The following SGCZ variants were observed in gnomAD, a reference collection of about 807,000 sequenced individuals.
SGCZ encodes the protein zeta-sarcoglycan.
In SGCZ, 40 loss-of-function variants were observed where a neutral mutation model predicts 41.3. The observed-to-expected ratio is 0.97, with a 90% confidence interval of 0.75 to 1.26. The LOEUF is 1.26. SGCZ is among the 50% of genes most tolerant of loss of function. The pLI is 0.00. For missense variants in SGCZ, 552 were observed against 369.8 expected (o/e 1.49, Z -4.04); for synonymous variants, 206 against 137.5 (o/e 1.50, Z -3.49).
intron 4 of SGCZ, among the ~76,000 whole-genome samples, chr8:14,192,113 A>G (rs555413174): frequency 2.0e-5 from 3 of 152,198 alleles, no homozygotes; most frequent in South Asian, 2.1e-4. Flanking sequence ...ATAAAGTGGT[A>G]CTTCCTAAAA....
chr8:14,492,723 G>C (rs1801876494), intron 2 of SGCZ, among the ~76,000 whole-genome samples: 1 of 152,100 alleles, frequency 6.6e-6, no homozygotes, highest in Admixed American at 6.6e-5. Context: ...ATTTACTTCA[G>C]TGAATTTGGA....
intron 3 of SGCZ, among the ~76,000 whole-genome samples, chr8:14,296,158 T>A (rs752574495): frequency 6.6e-6 from 1 of 152,062 alleles, no homozygotes; most frequent in Non-Finnish European, 1.5e-5. Context: ...CTCAACAAGA[T>A]CTATCTGATC....
intron 3 of SGCZ, among the ~76,000 whole-genome samples, chr8:14,317,686 A>G (rs1801763616): frequency 6.6e-6 from 1 of 151,996 alleles, no homozygotes; most frequent in South Asian, 2.1e-4. Context: ...GAAAGAAATG[A>G]GAGAAGAGCC....
rs561786775 is a variant in SGCZ, at chr8:15,173,859, T to C, written c.39+63726A>G. The stretch of plus-strand genomic sequence containing the variant: ...GGCTCAAGTGATCCTCCTGCCTCAG[T>C]TGGGAGCATAGGCATGCACCACCAC... On this transcript the variant is annotated intron_variant, in intron 1 of 7. Transcript: ENST00000382080. 2.0e-5 allele frequency among the ~76,000 whole-genome samples: 3 copies of C among 152,028 alleles called. No homozygotes were observed. The East Asian group carries it at 5.8e-4, about 29-fold the overall frequency.
intron 1 of SGCZ, among the ~76,000 whole-genome samples, chr8:14,874,750 T>C (rs1212297762): frequency 2.0e-5 from 3 of 152,098 alleles, no homozygotes; most frequent in African/African-American, 7.2e-5. Flanking sequence ...ATCAGGTTGC[T>C]CTAAAAGGAA....
chr8:14,237,750 AT>A, intron 3 of SGCZ, 71 bp from the exon 4 acceptor site: 1 of 1,340,104 alleles, frequency 7.5e-7, no homozygotes, highest in Non-Finnish European at 1.1e-6. Flanking sequence ...AATATACTGC[AT>A]TTGTTTGGAT....
chr8:14,235,698 T>G (rs1193527553), intron 4 of SGCZ, among the ~76,000 whole-genome samples: 1 of 152,188 alleles, frequency 6.6e-6, no homozygotes, highest in Non-Finnish European at 1.5e-5. Context: ...AATTTACGTT[T>G]TTTTGAGACA....
chr8:14,296,388 G>C (rs992065865), intron 3 of SGCZ, among the ~76,000 whole-genome samples: 2 of 152,182 alleles, frequency 1.3e-5, no homozygotes, highest in African/African-American at 4.8e-5. Flanking sequence ...TTAGTCCAAA[G>C]AGAAATACAT....
intron 1 of SGCZ, among the ~76,000 whole-genome samples, chr8:14,985,791 A>C (rs560079564): frequency 6.6e-6 from 1 of 152,162 alleles, no homozygotes. Context: ...GAACATCTAG[A>C]CTTACTCATT....
chr8:14,595,692 C>A (rs1805387775), intron 1 of SGCZ, among the ~76,000 whole-genome samples: 1 of 152,186 alleles, frequency 6.6e-6, no homozygotes, highest in Non-Finnish European at 1.5e-5. Context: ...CCTTTAACAT[C>A]CTCTGCCCTG....
intron 1 of SGCZ, among the ~76,000 whole-genome samples, chr8:14,731,073 C>G (rs1810222923): frequency 6.6e-6 from 1 of 151,766 alleles, no homozygotes; most frequent in Non-Finnish European, 1.5e-5. Flanking sequence ...CTACCATAAA[C>G]ACACATGCAC....
chr8:15,093,206 C>T (rs572004126), intron 1 of SGCZ, among the ~76,000 whole-genome samples: 114 of 152,276 alleles, frequency 7.5e-4, no homozygotes, highest in Non-Finnish European at 1.0e-3. Flanking sequence ...TGATAAAGAA[C>T]ATTTGTATAG....
At chr8:14,251,444 G>C (rs766929191) in intron 3 of SGCZ, among the ~76,000 whole-genome samples, 1 of 152,074 alleles carries the variant, frequency 6.6e-6, no homozygotes, top group Non-Finnish European at 1.5e-5. Flanking sequence ...ATTAAACTCT[G>C]CTGTTGTAGG....
intron 1 of SGCZ, among the ~76,000 whole-genome samples, chr8:14,789,859 G>T (rs1800892772): frequency 6.6e-6 from 1 of 152,004 alleles, no homozygotes; most frequent in Non-Finnish European, 1.5e-5. Flanking sequence ...TTACTTCCAT[G>T]TATGTGTATT....
At chr8:14,594,807 C>G (rs983567835) in intron 1 of SGCZ, among the ~76,000 whole-genome samples, 3 of 151,776 alleles carry the variant, frequency 2.0e-5, no homozygotes, top group Admixed American at 2.0e-4. Flanking sequence ...ATTAAAGAGA[C>G]TATGCAATGT....
At chr8:15,057,850 A>C (rs1804770765) in intron 1 of SGCZ, among the ~76,000 whole-genome samples, 1 of 152,160 alleles carries the variant, frequency 6.6e-6, no homozygotes, top group African/African-American at 2.4e-5. Context: ...TATCTTTCTT[A>C]TCATGTAGTC....
chr8:15,040,126 G>A (rs1001413103), intron 1 of SGCZ, among the ~76,000 whole-genome samples: 1 of 152,198 alleles, frequency 6.6e-6, no homozygotes, highest in Non-Finnish European at 1.5e-5. Context: ...CAGCAAATTT[G>A]TTATTTAAAT....
chr8:15,017,415 C>T (rs2170239), intron 1 of SGCZ, among the ~76,000 whole-genome samples: 45,621 of 152,036 alleles, frequency 0.3, 8,067 homozygotes, highest in South Asian at 0.46. Flanking sequence ...CAGCATGCCC[C>T]TTAACTTTTT....
chr8:14,264,121 TCA>T (rs959088683), intron 3 of SGCZ, among the ~76,000 whole-genome samples: 35 of 152,240 alleles, frequency 2.3e-4, no homozygotes, highest in African/African-American at 8.2e-4. Flanking sequence ...CAGGCGAACC[TCA>T]GTGACAAGGA....
Sources: allele counts gnomAD v4.1 joint callset (sites outside exome capture counted in the v4.1 genomes callset), GRCh38; gene constraint gnomAD v4.1.1; transcripts MANE v1.5; gene names NCBI Gene and HGNC (gene_info 2026-07-23, HGNC 2026-07-21).